HACL2: variants seen among roughly 807,000 people sequenced by gnomAD.
HACL2 encodes the protein 2-hydroxyacyl-CoA lyase 2, also known as 2-hydroxyacyl-CoA lyase 1 like.
the HACL2 span, among the ~76,000 whole-genome samples, chr19:15,118,489 T>C: frequency 2.6e-5 from 4 of 151,878 alleles, no homozygotes; most frequent in Admixed American, 6.6e-5. Context: ...GAGCCACACA[T>C]AGAGACCTGT....
chr19:15,121,268 A>G, the HACL2 span, among the ~76,000 whole-genome samples: 1 of 152,148 alleles, frequency 6.6e-6, no homozygotes, highest in Non-Finnish European at 1.5e-5. Context: ...CAAAAAAAAT[A>G]AAGAGGCCAT....
the HACL2 span, chr19:15,115,029 A>G: frequency 1.6e-6 from 1 of 616,384 alleles, no homozygotes; most frequent in Non-Finnish European, 2.9e-6. Flanking sequence ...TTCAGTCTCC[A>G]TAAGAGAGGG....
chr19:15,115,151 G>C, the HACL2 span: 1 of 1,370,004 alleles, frequency 7.3e-7, no homozygotes, highest in Non-Finnish European at 1.0e-6. Context: ...GAGTCACTGG[G>C]CCTCATGGGA....
chr19:15,115,476 C>G, the HACL2 span: 2 of 1,603,642 alleles, frequency 1.2e-6, no homozygotes, highest in Non-Finnish European at 8.5e-7. Flanking sequence ...CTCAGCCCAC[C>G]GCACATGCAG....
At chr19:15,122,844 C>G in the HACL2 span, 1 of 1,613,474 alleles carries the variant, frequency 6.2e-7, no homozygotes, top group South Asian at 1.1e-5. This position sits in a 1 kb window ranked among gnomAD's most constrained non-coding sequence, Gnocchi z 4.0. Context: ...TAACATGTCC[C>G]CAGCCCCTCG....
chr19:15,115,607 G>A, the HACL2 span: 10 of 1,613,782 alleles, frequency 6.2e-6, no homozygotes, highest in Non-Finnish European at 6.8e-6. Context: ...GCCCAGAGAG[G>A]GCACCTGCTC....
At chr19:15,119,387 TGAAAA>T in the HACL2 span, 4 of 1,613,092 alleles carry the variant, frequency 2.5e-6, no homozygotes, top group East Asian at 8.9e-5. Context: ...ACTGGGAACG[TGAAAA>T]CAAGGGCAGG....
chr19:15,115,044 A>G, the HACL2 span: 10 of 631,558 alleles, frequency 1.6e-5, no homozygotes, highest in Admixed American at 2.3e-4. Flanking sequence ...AGAGGGGACA[A>G]ACGGCACAGT....
At chr19:15,116,421 C>T in the HACL2 span, 1 of 1,614,046 alleles carries the variant, frequency 6.2e-7, no homozygotes, top group Admixed American at 1.7e-5. Flanking sequence ...AAGGTCTGCT[C>T]CTTCTGCCGG....
chr19:15,115,187 A>T, the HACL2 span: 8 of 1,587,748 alleles, frequency 5.0e-6, no homozygotes, highest in Non-Finnish European at 6.9e-6. Context: ...CAATGATGAG[A>T]CTCCAAACCA....
chr19:15,123,054 G>A, the HACL2 span: 1 of 1,608,338 alleles, frequency 6.2e-7, no homozygotes, highest in South Asian at 1.1e-5. The surrounding 1 kb of genome is among the most constrained non-coding windows in gnomAD (Gnocchi z 5.1). Flanking sequence ...AGGTGTGGCA[G>A]GGTTATCGCA....
the HACL2 span, chr19:15,118,058 C>T: frequency 5.0e-6 from 8 of 1,611,840 alleles, no homozygotes; most frequent in Non-Finnish European, 6.8e-6. Flanking sequence ...GGCCCCATGT[C>T]GTCTACCTTA....
the HACL2 span, chr19:15,116,416 C>T: frequency 1.1e-5 from 18 of 1,613,940 alleles, no homozygotes; most frequent in Non-Finnish European, 1.5e-5. Flanking sequence ...ACCGAAAGGT[C>T]TGCTCCTTCT....
chr19:15,123,703 C>T, the HACL2 span: 6 of 753,006 alleles, frequency 8.0e-6, no homozygotes, highest in African/African-American at 1.7e-5. The surrounding 1 kb of genome is among the most constrained non-coding windows in gnomAD (Gnocchi z 5.1). Context: ...GAAGCTTGGT[C>T]TTGGTTAGGC....
the HACL2 span, chr19:15,115,551 C>T: frequency 5.4e-5 from 87 of 1,608,358 alleles, no homozygotes; most frequent in Non-Finnish European, 7.2e-5. Flanking sequence ...CCCAACCTCG[C>T]TGAGGCCCCC....
At chr19:15,119,499 T>C in the HACL2 span, 4 of 1,613,962 alleles carry the variant, frequency 2.5e-6, no homozygotes, top group Non-Finnish European at 2.5e-6. Flanking sequence ...GCTCAGGATC[T>C]CCACACAGCG....
the HACL2 span, chr19:15,123,262 C>T: frequency 5.0e-6 from 8 of 1,612,622 alleles, no homozygotes; most frequent in African/African-American, 5.3e-5. This position sits in a 1 kb window ranked among gnomAD's most constrained non-coding sequence, Gnocchi z 5.1. Flanking sequence ...CAGAGCCCAT[C>T]ACAGCCATGC....
the HACL2 span, chr19:15,116,429 C>G: frequency 1.2e-6 from 2 of 1,613,888 alleles, no homozygotes; most frequent in African/African-American, 1.3e-5. Context: ...CTCCTTCTGC[C>G]GGTCGGCTTC....
At chr19:15,123,125 A>C in the HACL2 span, 1 of 1,613,772 alleles carries the variant, frequency 6.2e-7, no homozygotes, top group South Asian at 1.1e-5. The surrounding 1 kb of genome is among the most constrained non-coding windows in gnomAD (Gnocchi z 5.1). Flanking sequence ...CCTGCAGCAG[A>C]GTGCTGGCAG....
Sources: allele counts gnomAD v4.1 joint callset (sites outside exome capture counted in the v4.1 genomes callset), GRCh38; gene constraint gnomAD v4.1.1; non-coding constraint Gnocchi (gnomAD v3.1); transcripts MANE v1.5; gene names NCBI Gene and HGNC (gene_info 2026-07-23, HGNC 2026-07-21).